Variants in SAFB observed in about 807,000 individuals in gnomAD.
The protein encoded by SAFB is scaffold attachment factor B, also known as scaffold attachment factor B1.
SAFB carries 15 observed loss-of-function variants against 101.6 expected under a neutral mutation model. The observed-to-expected ratio is 0.15, with a 90% CI of 0.10 to 0.23. The LOEUF (loss-of-function observed/expected upper bound fraction) is 0.23, where lower values mean the gene tolerates loss of function less well. SAFB is among the 10% of genes least tolerant of loss of function. The probability of loss-of-function intolerance (pLI) is 1.00; values close to 1 mark genes in which losing one functional copy is unlikely to be tolerated. For missense variants in SAFB, 930 were observed against 1,104.1 expected (o/e 0.84, Z 2.23); for synonymous variants, 449 against 407.5 (o/e 1.10, Z -1.23).
chr19:5,658,288 G>T (rs757251881), intron 14 of SAFB, among the ~76,000 whole-genome samples: 3 of 152,228 alleles, frequency 2.0e-5, no homozygotes, highest in Non-Finnish European at 2.9e-5. Context: ...ATGAGCCACT[G>T]CTCCAAGGAC....
intron 2 of SAFB, among the ~76,000 whole-genome samples, chr19:5,640,542 G>A (rs549534353): frequency 6.6e-6 from 1 of 151,682 alleles, no homozygotes; most frequent in East Asian, 1.9e-4. Flanking sequence ...ATTCGCTGTT[G>A]ATGGAAATGT....
intron 5 of SAFB, among the ~76,000 whole-genome samples, chr19:5,646,233 ATC>A (rs1385469478): frequency 1.3e-5 from 2 of 152,146 alleles, no homozygotes; most frequent in African/African-American, 2.4e-5. Flanking sequence ...GTAATTAGAA[ATC>A]CCCTTTTGGA....
rs371261963 is a variant in SAFB at position 5,661,779 on chromosome 19, C to T, written c.2124C>T (p.Pro708=). Residue 708 remains proline, a synonymous_variant, in exon 15 of 21, where the codon CCC becomes CCT. Transcript: ENST00000588852. ...TGCGCTATGAGCAGGAGCGGCGGCC[C>T]GCGGTGCGGCGGCCCTACGACCTGG... The part of the protein sequence containing the change: ...QELRYEQERR[P]AVRRPYDLDR... 140 of 1,561,988 alleles carry T rather than the reference C, an allele frequency of 9.0e-5. No individual in the cohort carries two copies. Among genetic ancestry groups the T allele is most frequent in the African/African-American group, 1.1e-4 (8 of 74,084 alleles).
Position 5,667,051 on chromosome 19 carries a change from C to T in SAFB, c.2340C>T (p.Tyr780=). 6.2e-7 allele frequency: 1 copy of T among 1,600,966 alleles called. No individual in the cohort carries two copies. Among genetic ancestry groups the T allele is most frequent in the South Asian group, 1.1e-5 (1 of 90,832 alleles). The stretch of plus-strand genomic sequence containing the variant: ...TCTGGCTCTGTGATGTCCAGCATTA[C>T]CCAGAACGCCATGGAGGACCAGAGC... ...SMMGEREGQH[Y]PERHGGPERH... Residue 780 remains tyrosine (Y), a synonymous_variant, in exon 18 of 21, where the codon TAC becomes TAT. Coordinates refer to ENST00000588852, the MANE Select transcript of SAFB (RefSeq NM_001201338.2). This position sits in a 1 kb window ranked among gnomAD's most constrained non-coding sequence, Gnocchi z 4.0.
At chr19:5,655,019 C>G (rs1178504699) in intron 13 of SAFB, among the ~76,000 whole-genome samples, 2 of 152,212 alleles carry the variant, frequency 1.3e-5, no homozygotes, top group African/African-American at 4.8e-5. Context: ...CGTTCCCTGT[C>G]TACCCTGAAA....
Position 5,667,189 on chromosome 19 carries a change from C to A in SAFB, c.2453+25C>A. The A allele has an allele frequency of 7.2e-7, 1 of 1,393,224 alleles. No homozygotes were observed. Among genetic ancestry groups the A allele is most frequent in the Non-Finnish European group, 1.0e-6 (1 of 1,004,630 alleles). The allele number at this position is 1,393,224 out of a possible 1,614,324, so 86.3% of individuals were successfully genotyped here. The stretch of plus-strand genomic sequence containing the variant: ...GGTTTGTGTCCCACACCCGACAGTA[C>A]CTGACCCCCCCCCCGCCCACAAGGG... On this transcript the variant is annotated intron_variant, in intron 18 of 20. Coordinates refer to ENST00000588852, the MANE Select transcript of SAFB (RefSeq NM_001201338.2). This position sits in a 1 kb window ranked among gnomAD's most constrained non-coding sequence, Gnocchi z 4.0.
At chr19:5,660,648 C>T (rs1308321937) in intron 14 of SAFB, among the ~76,000 whole-genome samples, 2 of 130,234 alleles carry the variant, frequency 1.5e-5, no homozygotes, top group Non-Finnish European at 3.1e-5. Context: ...GAGGTGGAGG[C>T]GGGCAGATTG....
intron 14 of SAFB, among the ~76,000 whole-genome samples, chr19:5,657,834 C>T (rs2054099257): frequency 1.3e-5 from 2 of 152,064 alleles, no homozygotes; most frequent in Admixed American, 6.6e-5. Context: ...CTACTTACAG[C>T]TCTTTTCAAA....
At chr19:5,657,515 C>CTCTTT (rs1164884497) in intron 14 of SAFB, among the ~76,000 whole-genome samples, 168 bp downstream of exon 14, 6 of 152,122 alleles carry the variant, frequency 3.9e-5, no homozygotes, top group Non-Finnish European at 5.9e-5. Flanking sequence ...CATCCTACGG[C>CTCTTT]TCTTTTCTTT....
intron 9 of SAFB, among the ~76,000 whole-genome samples, chr19:5,651,495 G>A (rs1277183086): frequency 1.3e-5 from 2 of 152,174 alleles, no homozygotes; most frequent in Non-Finnish European, 2.9e-5. Context: ...TCCTCACCAC[G>A]GGTGTCTTGG....
chr19:5,643,799 G>A (rs1367259845), intron 4 of SAFB, among the ~76,000 whole-genome samples: 1 of 151,390 alleles, frequency 6.6e-6, no homozygotes, highest in African/African-American at 2.4e-5. Flanking sequence ...GGAGGTGGAG[G>A]TTGCAGTGAG....
At position 5,623,196 on chromosome 19, in the gene SAFB, G is replaced by A. The variant is rs1379058048; in HGVS notation, c.-10G>A. 4.4e-6 allele frequency: 7 copies of A among 1,574,630 alleles called. No homozygotes were observed. In the East Asian group the frequency reaches 7.1e-5, roughly 16 times the overall value. ...TGTGGAAAGTGGGCGGCGGAGCCAG[G>A]GTCCCTGGAATGGCGGAGACTCTGT... On this transcript the variant is annotated 5_prime_UTR_variant, in exon 1 of 21. Transcript: ENST00000588852.
At chr19:5,645,271 C>CAGAT in intron 4 of SAFB, 66 bp from the exon 5 acceptor site, 1 of 738,028 alleles carries the variant, frequency 1.4e-6, no homozygotes, top group Non-Finnish European at 2.5e-6. Context: ...TTTCATTGTA[C>CAGAT]AGATGTACCA....
At chr19:5,650,008 G>C (rs201406644) in intron 8 of SAFB, 33 bp downstream of exon 8, 2 of 1,561,728 alleles carry the variant, frequency 1.3e-6, no homozygotes, top group East Asian at 4.5e-5. Context: ...GTCCCTTGGA[G>C]CATGTATGGC....
chr19:5,657,941 G>C (rs753672477), intron 14 of SAFB, among the ~76,000 whole-genome samples: 2 of 152,212 alleles, frequency 1.3e-5, no homozygotes, highest in Non-Finnish European at 2.9e-5. Context: ...TACCAAATTT[G>C]CTCCAGAAGA....
At chr19:5,642,495 A>G (rs1218161557) in intron 4 of SAFB, among the ~76,000 whole-genome samples, 1 of 151,912 alleles carries the variant, frequency 6.6e-6, no homozygotes, top group Non-Finnish European at 1.5e-5. Context: ...GCCAGTTGAT[A>G]CCTATCTTAA....
intron 13 of SAFB, among the ~76,000 whole-genome samples, chr19:5,655,958 TA>T (rs377295374): frequency 2.6e-5 from 4 of 152,166 alleles, no homozygotes; most frequent in Non-Finnish European, 4.4e-5. Flanking sequence ...GCAAAAGACA[TA>T]AAAAATTGGT....
Position 5,649,984 on chromosome 19 carries a change from C to T in SAFB, c.1198+9C>T, listed in dbSNP as rs753554546. The T allele has an allele frequency of 6.2e-7, 1 of 1,611,242 alleles. No individual in the cohort carries two copies. Among genetic ancestry groups the T allele is most frequent in the Non-Finnish European group, 8.5e-7 (1 of 1,177,386 alleles). On this transcript the variant is annotated intron_variant, in intron 8 of 20. Transcript: ENST00000588852. ...TTCCAAAGAGGAAAAGGGTAGGTCA[C>T]CTCGGCGACACCAGTCCCTTGGAGC...
At chr19:5,637,617 A>G (rs1000160896) in intron 2 of SAFB, among the ~76,000 whole-genome samples, 3 of 152,130 alleles carry the variant, frequency 2.0e-5, no homozygotes, top group African/African-American at 7.2e-5. Flanking sequence ...CAGTGAGCCA[A>G]GACATGCCAC....
Sources: gnomAD v4.1 joint callset for allele counts (sites outside exome capture counted in the v4.1 genomes callset) on GRCh38, gnomAD v4.1.1 for gene constraint, Gnocchi (gnomAD v3.1) non-coding constraint, MANE v1.5 for transcripts, NCBI Gene and HGNC (gene_info 2026-07-23, HGNC 2026-07-21) for gene names.